The following TMEM272 variants were observed in gnomAD, a reference collection of about 807,000 sequenced individuals.
TMEM272 encodes the protein transmembrane protein 272.
TMEM272 carries 8 observed loss-of-function variants against 3.7 expected under a neutral mutation model. The observed-to-expected ratio is 2.17, with a 90% confidence interval of 1.27 to 3.91. The LOEUF (loss-of-function observed/expected upper bound fraction) is 3.91, where lower values mean the gene tolerates loss of function less well. TMEM272 is among the 30% of genes most tolerant of loss of function. The pLI, the probability that TMEM272 is intolerant of heterozygous loss-of-function variation, is 0.00. For missense variants in TMEM272, 166 were observed against 91.5 expected, an observed-to-expected ratio of 1.81 and a Z score of -3.32; for synonymous variants, 63 against 39.8, an observed-to-expected ratio of 1.58 and a Z score of -2.20.
chr13:51,898,757 G>C, the TMEM272 span, among the ~76,000 whole-genome samples: 1 of 151,636 alleles, frequency 6.6e-6, no homozygotes, highest in Admixed American at 6.6e-5. Context: ...GAGTCCTTTG[G>C]GTCCTTTAAA....
chr13:51,867,788 G>C, the TMEM272 span, among the ~76,000 whole-genome samples: 1 of 152,106 alleles, frequency 6.6e-6, no homozygotes, highest in Admixed American at 6.5e-5. Flanking sequence ...CAAGCCATGG[G>C]GAATAGGATG....
At chr13:51,893,675 A>G in the TMEM272 span, among the ~76,000 whole-genome samples, 4 of 152,042 alleles carry the variant, frequency 2.6e-5, no homozygotes, top group Non-Finnish European at 4.4e-5. Context: ...TCAGCTGAAG[A>G]CTCGATCACC....
chr13:51,821,660 T>G (rs1956079244), intron 4 of TMEM272, among the ~76,000 whole-genome samples: 1 of 141,638 alleles, frequency 7.1e-6, no homozygotes, highest in African/African-American at 2.7e-5. Flanking sequence ...AGGAAGCTTT[T>G]TTTTCCTCAA....
the TMEM272 span, among the ~76,000 whole-genome samples, chr13:51,916,054 C>G: frequency 6.6e-6 from 1 of 152,102 alleles, no homozygotes; most frequent in Non-Finnish European, 1.5e-5. Context: ...GCCTGGGTGA[C>G]AGAGGGAGAC....
At chr13:51,822,017 T>C (rs778058518) in intron 4 of TMEM272, 38 bp downstream of exon 4, 9 of 702,336 alleles carry the variant, frequency 1.3e-5, no homozygotes, top group Non-Finnish European at 2.1e-5. Context: ...TGAGTTAATT[T>C]CTACAAGGAC....
the TMEM272 span, among the ~76,000 whole-genome samples, chr13:51,879,301 A>G: frequency 6.6e-6 from 1 of 152,168 alleles, no homozygotes; most frequent in Non-Finnish European, 1.5e-5. Context: ...AGGTTCTTCT[A>G]TGACATAATC....
the TMEM272 span, among the ~76,000 whole-genome samples, chr13:51,905,576 G>A: frequency 2.0e-5 from 3 of 152,204 alleles, no homozygotes; most frequent in South Asian, 2.1e-4. Flanking sequence ...GCCCTCCCTC[G>A]CAGCGGCGCG....
At chr13:51,842,161 G>C (rs1028290483) in intron 1 of TMEM272, among the ~76,000 whole-genome samples, 1 of 152,216 alleles carries the variant, frequency 6.6e-6, no homozygotes, top group African/African-American at 2.4e-5. Flanking sequence ...CCCTATGAAG[G>C]CAGGTACAGG....
chr13:51,868,095 CAAG>C, the TMEM272 span, among the ~76,000 whole-genome samples: 2 of 152,192 alleles, frequency 1.3e-5, no homozygotes, highest in African/African-American at 4.8e-5. Flanking sequence ...TGCCATCCAA[CAAG>C]AAGGTGTGCA....
At position 51,814,467 on chromosome 13, in the gene TMEM272, G is replaced by A. The variant is rs1460491471; in HGVS notation, c.*2284C>T. 1 of 152,226 alleles carries A rather than the reference G, an allele frequency of 6.6e-6. No homozygotes were observed. The highest frequency in any genetic ancestry group is 2.4e-5 in the African/African-American group (1 of 41,448). The allele number at this position is 152,226 out of a possible 1,614,324, so 9.4% of individuals were successfully genotyped here. On this transcript the variant is annotated 3_prime_UTR_variant, in exon 5 of 5. Transcript: ENST00000629372. ...TGTTTCCCCAGAAGGGGGTAATTTT[G>A]TTTTTTAGAGATGGGGTCTCATTCT... is the stretch of plus-strand genomic sequence containing the variant.
At chr13:51,933,682 G>A in the TMEM272 span, 1 of 152,222 alleles carries the variant, frequency 6.6e-6, no homozygotes, top group Non-Finnish European at 1.5e-5. Context: ...CCTCCTATTT[G>A]GGCAGTACCA....
the TMEM272 span, among the ~76,000 whole-genome samples, chr13:51,928,044 A>G: frequency 6.6e-6 from 1 of 152,032 alleles, no homozygotes; most frequent in South Asian, 2.1e-4. Flanking sequence ...CTTCCACTGG[A>G]CCCAGGGCAC....
At chr13:51,928,326 C>T in the TMEM272 span, among the ~76,000 whole-genome samples, 17 of 152,178 alleles carry the variant, frequency 1.1e-4, no homozygotes, top group Non-Finnish European at 2.1e-4. Flanking sequence ...TTAACAGCAA[C>T]GATGACAACA....
the TMEM272 span, among the ~76,000 whole-genome samples, chr13:51,857,305 A>ACCCATACT: frequency 6.6e-6 from 1 of 152,044 alleles, no homozygotes. Flanking sequence ...TCATCACAAG[A>ACCCATACT]CCCATACTAA....
At chr13:51,865,897 G>A in the TMEM272 span, 2 of 1,613,868 alleles carry the variant, frequency 1.2e-6, no homozygotes, top group Non-Finnish European at 1.7e-6. Flanking sequence ...TCCTTGAGGG[G>A]GAGAAAGCCC....
At chr13:51,860,604 A>G in the TMEM272 span, among the ~76,000 whole-genome samples, 1 of 135,246 alleles carries the variant, frequency 7.4e-6, no homozygotes, top group Non-Finnish European at 1.5e-5. Flanking sequence ...ATACCATGCC[A>G]TTGCACTCCA....
At chr13:51,926,046 G>A in the TMEM272 span, among the ~76,000 whole-genome samples, 5 of 152,006 alleles carry the variant, frequency 3.3e-5, no homozygotes, top group African/African-American at 1.2e-4. Context: ...TATGTGGTGT[G>A]TGCAGTGTGA....
chr13:51,920,267 G>A, the TMEM272 span, among the ~76,000 whole-genome samples: 1 of 152,138 alleles, frequency 6.6e-6, no homozygotes. Flanking sequence ...TCCAGATGAA[G>A]GGAACTACAT....
the TMEM272 span, among the ~76,000 whole-genome samples, chr13:51,912,448 G>A: frequency 5.3e-5 from 8 of 152,138 alleles, no homozygotes; most frequent in African/African-American, 9.7e-5. Flanking sequence ...GTACATTCTC[G>A]GGAAACTGAT....
Sources: allele counts gnomAD v4.1 joint callset (sites outside exome capture counted in the v4.1 genomes callset), GRCh38; gene constraint gnomAD v4.1.1; transcripts MANE v1.5; gene names NCBI Gene and HGNC (gene_info 2026-07-23, HGNC 2026-07-21).